SMYD3: variants seen among roughly 807,000 people sequenced by gnomAD.
SMYD3 encodes the protein histone-lysine N-methyltransferase SMYD3.
A neutral mutation model predicts 57.7 loss-of-function variants in SMYD3; 36 were observed. The ratio of observed to expected loss-of-function variants is 0.62; its 90% CI spans 0.48 to 0.82. The LOEUF (loss-of-function observed/expected upper bound fraction) is 0.82. Among genes scored for constraint, SMYD3 ranks in the 40% least tolerant of loss-of-function variants. The probability of loss-of-function intolerance (pLI) is 0.00; values close to 1 mark genes in which losing one functional copy is unlikely to be tolerated. For missense variants in SMYD3, 515 were observed against 538.8 expected, an observed-to-expected ratio of 0.96 and a Z score of 0.44; for synonymous variants, 211 against 195.0, an observed-to-expected ratio of 1.08 and a Z score of -0.68.
chr1:246,262,355 T>C (rs1192306484), intron 5 of SMYD3, among the ~76,000 whole-genome samples: 1 of 152,256 alleles, frequency 6.6e-6, no homozygotes, highest in Non-Finnish European at 1.5e-5. Context: ...AATGTGTTAC[T>C]TATTTTTCGC....
intron 5 of SMYD3, among the ~76,000 whole-genome samples, chr1:246,135,241 G>C (rs2061649640): frequency 6.6e-6 from 1 of 152,062 alleles, no homozygotes. Flanking sequence ...GTTTAGAGTA[G>C]GACCTTTGGT....
chr1:246,334,557 G>A (rs560729355), intron 3 of SMYD3, among the ~76,000 whole-genome samples: 258 of 152,102 alleles, frequency 1.7e-3, no homozygotes, highest in Non-Finnish European at 3.3e-3. Flanking sequence ...TGGGGAATAC[G>A]AGGGGGAGGT....
rs550195537 is a variant in SMYD3, at chr1:245,944,860, C to T, written c.532-14923G>A. ...TGCACATCTACCACCATCTGATCTT[C>T]GATAAACCTGACAAAAGCAATGGAG... is the stretch of plus-strand genomic sequence containing the variant. On this transcript the variant is annotated intron_variant, in intron 5 of 11. Transcript: ENST00000490107. 3.9e-4 allele frequency among the ~76,000 whole-genome samples: 59 copies of T among 152,110 alleles called. No individual in the cohort carries two copies. The South Asian group carries it at 5.6e-3, about 14-fold the overall frequency.
intron 2 of SMYD3, among the ~76,000 whole-genome samples, chr1:246,337,491 G>T (rs2065562533): frequency 6.6e-6 from 1 of 151,998 alleles, no homozygotes; most frequent in Non-Finnish European, 1.5e-5. Flanking sequence ...AACTTTTTTG[G>T]TTTTTTACTG....
At chr1:245,931,090 T>C (rs1205517604) in intron 5 of SMYD3, among the ~76,000 whole-genome samples, 3 of 151,800 alleles carry the variant, frequency 2.0e-5, no homozygotes, top group South Asian at 2.1e-4. Context: ...AAAGACGGAG[T>C]GGGATCACTT....
chr1:246,375,745 T>G (rs549116111), intron 1 of SMYD3, among the ~76,000 whole-genome samples: 20 of 152,290 alleles, frequency 1.3e-4, no homozygotes, highest in African/African-American at 4.8e-4. Context: ...TTGTTTTTGT[T>G]TTGAGACAGA....
chr1:246,349,885 C>A lies in SMYD3; in HGVS notation c.228+5146G>T, dbSNP rs577158234. ...CAATCAGAACAAATAACAAGGGCAA[C>A]AAATAGAAAACAGATACGATAAATA... On this transcript the variant is annotated intron_variant, in intron 2 of 11. Transcript: ENST00000490107. Among the ~76,000 whole-genome samples the A allele has an allele frequency of 7.2e-5, 11 of 152,154 alleles. No individual in the cohort carries two copies. In the South Asian group the frequency reaches 2.3e-3, roughly 32 times the overall value.
intron 1 of SMYD3, among the ~76,000 whole-genome samples, chr1:246,499,587 G>A (rs941044058): frequency 1.3e-5 from 2 of 151,810 alleles, no homozygotes; most frequent in Non-Finnish European, 2.9e-5. Flanking sequence ...CTCCAAAGTA[G>A]CTTGATTACA....
chr1:246,423,731 G>A (rs1206694437), intron 1 of SMYD3, among the ~76,000 whole-genome samples: 2 of 152,094 alleles, frequency 1.3e-5, no homozygotes, highest in Non-Finnish European at 2.9e-5. Context: ...CCAAAGACTA[G>A]ACAATAAATG....
intron 1 of SMYD3, among the ~76,000 whole-genome samples, chr1:246,357,777 T>C (rs369837891): frequency 6.6e-6 from 1 of 152,178 alleles, no homozygotes. Flanking sequence ...AATTCGCCAC[T>C]ACCAAGCCAG....
chr1:246,076,693 T>C (rs1300227488), intron 5 of SMYD3, among the ~76,000 whole-genome samples: 1 of 151,012 alleles, frequency 6.6e-6, no homozygotes, highest in Non-Finnish European at 1.5e-5. Flanking sequence ...TTTTTCTAGA[T>C]TAATTCAATT....
At chr1:245,908,518 C>T (rs2054739177) in intron 8 of SMYD3, among the ~76,000 whole-genome samples, 1 of 152,190 alleles carries the variant, frequency 6.6e-6, no homozygotes, top group Admixed American at 6.5e-5. Context: ...CATCCAACAC[C>T]TGTAGAATAT....
rs1016972477 is a variant in SMYD3 at position 245,749,716 on chromosome 1, G to A, written c.1186-52C>T. 2.6e-5 allele frequency: 37 copies of A among 1,439,370 alleles called. No individual in the cohort carries two copies. In the Admixed American group the frequency reaches 5.2e-4, roughly 20 times the overall value. The allele number at this position is 1,439,370 out of a possible 1,614,324, so 89.2% of individuals were successfully genotyped here. A position where few individuals can be genotyped will look rare whatever the true frequency, so the allele number is the denominator to read the frequency against. On this transcript the variant is annotated intron_variant, in intron 11 of 11. Transcript: ENST00000490107. ...TAGACCCCAAAATAGGTGAGCTCAG[G>A]CCATTCCCCACCTTTACCCCATGAT...
intron 5 of SMYD3, among the ~76,000 whole-genome samples, chr1:246,081,887 T>G (rs1284680421): frequency 6.6e-6 from 1 of 152,198 alleles, no homozygotes; most frequent in Non-Finnish European, 1.5e-5. Context: ...ACAAAAAAAC[T>G]TTTTTAAAGA....
intron 1 of SMYD3, among the ~76,000 whole-genome samples, chr1:246,467,548 A>G (rs914881913): frequency 3.9e-5 from 6 of 152,194 alleles, no homozygotes; most frequent in South Asian, 4.1e-4. Flanking sequence ...TCGTAATATT[A>G]TGAACAACTA....
intron 10 of SMYD3, among the ~76,000 whole-genome samples, chr1:245,817,814 G>C (rs1220462237): frequency 1.3e-5 from 2 of 152,116 alleles, no homozygotes; most frequent in African/African-American, 4.8e-5. Context: ...AAGATGAAAT[G>C]AATGAAATGA....
At chr1:246,395,604 G>C (rs1025880327) in intron 1 of SMYD3, among the ~76,000 whole-genome samples, 6 of 93,054 alleles carry the variant, frequency 6.4e-5, no homozygotes, top group African/African-American at 2.8e-4. Flanking sequence ...ACAGGGAAGA[G>C]GAACCCACCA....
intron 5 of SMYD3, among the ~76,000 whole-genome samples, chr1:246,116,830 T>G (rs1376685462): frequency 6.6e-6 from 1 of 152,220 alleles, no homozygotes; most frequent in Admixed American, 6.5e-5. Flanking sequence ...TTAAACCTTG[T>G]TCCTTTCAAC....
chr1:246,194,759 G>A lies in SMYD3; in HGVS notation c.531+132442C>T, dbSNP rs575354256. On this transcript the variant is annotated intron_variant, in intron 5 of 11. Transcript: ENST00000490107. The stretch of plus-strand genomic sequence containing the variant: ...TTTCAAGTGTTTGATACATGAAAAC[G>A]GCTACTGATTGCCATATTGCACAAC... 3.3e-4 allele frequency among the ~76,000 whole-genome samples: 50 copies of A among 152,216 alleles called. 1 individual carries two copies. Among genetic ancestry groups the A allele is most frequent in the African/African-American group, 1.1e-3 (44 of 41,528 alleles).
Sources: allele counts gnomAD v4.1 joint callset (sites outside exome capture counted in the v4.1 genomes callset), GRCh38; gene constraint gnomAD v4.1.1; transcripts MANE v1.5; gene names NCBI Gene and HGNC (gene_info 2026-07-23, HGNC 2026-07-21).